Variants in C7orf78 observed in about 807,000 individuals in gnomAD.
C7orf78 encodes chromosome 7 open reading frame 78.
At chr7:12,528,921 G>A in the C7orf78 span, 19 of 398,292 alleles carry the variant, frequency 4.8e-5, no homozygotes, top group Admixed American at 1.3e-4. Flanking sequence ...ACCAGTTACC[G>A]AAAGATGATA....
the C7orf78 span, chr7:12,483,471 AT>A: frequency 3.3e-5 from 5 of 152,186 alleles, no homozygotes; most frequent in African/African-American, 1.2e-4. Context: ...TCGATCTCAT[AT>A]TTTGCACAGT....
At chr7:12,523,525 G>T in the C7orf78 span, 1 of 395,658 alleles carries the variant, frequency 2.5e-6, no homozygotes, top group Non-Finnish European at 4.5e-6. Flanking sequence ...ATTACATATA[G>T]GAAAATGGTA....
the C7orf78 span, among the ~76,000 whole-genome samples, chr7:12,503,252 A>AAATAAATAAAT: frequency 1.2e-4 from 18 of 150,448 alleles, no homozygotes; most frequent in African/African-American, 4.5e-4. Context: ...AATAAATAAA[A>AAATAAATAAAT]GAAGGAAACA....
the C7orf78 span, among the ~76,000 whole-genome samples, chr7:12,501,707 T>A: frequency 6.7e-6 from 1 of 150,260 alleles, no homozygotes; most frequent in African/African-American, 2.4e-5. Context: ...CCAATGCCTT[T>A]ATTCACAGAA....
At chr7:12,527,749 T>A in the C7orf78 span, among the ~76,000 whole-genome samples, 1 of 147,810 alleles carries the variant, frequency 6.8e-6, no homozygotes. Context: ...GTATATGCTA[T>A]GTGTCACTCA....
the C7orf78 span, among the ~76,000 whole-genome samples, chr7:12,498,853 A>G: frequency 6.6e-6 from 1 of 151,370 alleles, no homozygotes; most frequent in Non-Finnish European, 1.5e-5. Context: ...GGTTACCCTC[A>G]AAGGGAAGCC....
the C7orf78 span, among the ~76,000 whole-genome samples, chr7:12,508,631 T>G: frequency 6.6e-6 from 1 of 152,124 alleles, no homozygotes; most frequent in African/African-American, 2.4e-5. Context: ...AACACAAAAT[T>G]TAAGGGTACG....
At chr7:12,516,306 C>A in the C7orf78 span, among the ~76,000 whole-genome samples, 2 of 152,320 alleles carry the variant, frequency 1.3e-5, no homozygotes, top group African/African-American at 2.4e-5. Flanking sequence ...TGGTGTTGAA[C>A]CTGCGAGTGC....
At chr7:12,506,506 G>A in the C7orf78 span, among the ~76,000 whole-genome samples, 1 of 152,084 alleles carries the variant, frequency 6.6e-6, no homozygotes, top group Admixed American at 6.6e-5. Flanking sequence ...ATAGATGAAG[G>A]TGTAAACCAT....
chr7:12,493,469 G>A, the C7orf78 span, among the ~76,000 whole-genome samples: 2 of 152,194 alleles, frequency 1.3e-5, no homozygotes, highest in Admixed American at 6.5e-5. Context: ...TGAAAACACT[G>A]ATTGCTGGGC....
the C7orf78 span, among the ~76,000 whole-genome samples, chr7:12,516,159 G>C: frequency 6.6e-6 from 1 of 152,228 alleles, no homozygotes; most frequent in Admixed American, 6.5e-5. Context: ...GCCAGGCCCA[G>C]GGTCTCTGTA....
the C7orf78 span, among the ~76,000 whole-genome samples, chr7:12,532,065 C>CT: frequency 6.6e-5 from 10 of 152,228 alleles, no homozygotes; most frequent in Admixed American, 5.2e-4. Flanking sequence ...TTGTCTGCTC[C>CT]TTACTGTACA....
chr7:12,503,731 T>TA, the C7orf78 span, among the ~76,000 whole-genome samples: 1 of 152,166 alleles, frequency 6.6e-6, no homozygotes, highest in African/African-American at 2.4e-5. Flanking sequence ...TTTTCTATTT[T>TA]AAAAAGTTTT....
chr7:12,518,278 C>G, the C7orf78 span, among the ~76,000 whole-genome samples: 1 of 152,152 alleles, frequency 6.6e-6, no homozygotes, highest in Non-Finnish European at 1.5e-5. Flanking sequence ...TATACCTGTC[C>G]TTTAGCCCCC....
the C7orf78 span, chr7:12,506,698 A>G: frequency 5.7e-5 from 13 of 227,126 alleles, no homozygotes; most frequent in Admixed American, 1.2e-4. Flanking sequence ...GTAAATGTCG[A>G]GTTGATAGGT....
At chr7:12,529,727 G>A in the C7orf78 span, among the ~76,000 whole-genome samples, 1 of 152,212 alleles carries the variant, frequency 6.6e-6, no homozygotes, top group Admixed American at 6.5e-5. Context: ...GATGCATGGT[G>A]GGCAAGCCCC....
At chr7:12,490,279 C>A in the C7orf78 span, among the ~76,000 whole-genome samples, 1 of 152,052 alleles carries the variant, frequency 6.6e-6, no homozygotes, top group Non-Finnish European at 1.5e-5. Flanking sequence ...GGATGATGCT[C>A]ACTTTAACAT....
chr7:12,494,357 A>G, the C7orf78 span, among the ~76,000 whole-genome samples: 2 of 152,176 alleles, frequency 1.3e-5, no homozygotes, highest in African/African-American at 2.4e-5. Flanking sequence ...TCTCTGAAGT[A>G]TCACTCCCAC....
the C7orf78 span, among the ~76,000 whole-genome samples, chr7:12,512,516 C>A: frequency 1.3e-5 from 2 of 152,138 alleles, no homozygotes; most frequent in Non-Finnish European, 2.9e-5. Flanking sequence ...GTTGAACCAT[C>A]TTTTCAGCCC....
Sources: gnomAD v4.1 joint callset for allele counts (sites outside exome capture counted in the v4.1 genomes callset) on GRCh38, gnomAD v4.1.1 for gene constraint, MANE v1.5 for transcripts, NCBI Gene and HGNC (gene_info 2026-07-23, HGNC 2026-07-21) for gene names.